Variants in PLPP4 observed in about 807,000 individuals in gnomAD.
The protein encoded by PLPP4 is diacylglycerol pyrophosphate like 2.
In PLPP4, 20 loss-of-function variants were observed where a neutral mutation model predicts 32.2. The ratio of observed to expected loss-of-function variants is 0.62; its 90% CI spans 0.44 to 0.90. The LOEUF (loss-of-function observed/expected upper bound fraction) is 0.90. PLPP4 is among the 40% of genes least tolerant of loss of function. PLPP4 has a pLI of 0.00. For missense variants in PLPP4, 257 were observed against 353.1 expected (o/e 0.73, Z 2.18); for synonymous variants, 127 against 133.0 (o/e 0.95, Z 0.31).
intron 1 of PLPP4, among the ~76,000 whole-genome samples, chr10:120,488,011 G>A (rs1285588035): frequency 6.6e-6 from 1 of 152,156 alleles, no homozygotes; most frequent in African/African-American, 2.4e-5. Context: ...GATGAGAAAA[G>A]GCTCCAGAAG....
At chr10:120,486,071 C>T (rs766312169) in intron 1 of PLPP4, among the ~76,000 whole-genome samples, 4 of 152,110 alleles carry the variant, frequency 2.6e-5, no homozygotes, top group Admixed American at 6.5e-5. Flanking sequence ...ATGGAGAAAC[C>T]GAGGTTTAGA....
intron 1 of PLPP4, among the ~76,000 whole-genome samples, chr10:120,485,120 A>C (rs1025394698): frequency 6.6e-6 from 1 of 152,228 alleles, no homozygotes; most frequent in African/African-American, 2.4e-5. Context: ...GCCCAGGGAG[A>C]TCTGCATCAG....
At position 120,457,862 on chromosome 10, in the gene PLPP4, G is replaced by T. The variant is rs1487529218; in HGVS notation, c.56+501G>T. 2.0e-5 allele frequency among the ~76,000 whole-genome samples: 3 copies of T among 152,320 alleles called. No individual in the cohort carries two copies. In the East Asian group the frequency reaches 5.8e-4, roughly 29 times the overall value. ...GAGCGTTTTCCCAGCGGGCGTTTGC[G>T]GCGCTTCTCCTACTGAGAAACTGTT... On this transcript the variant is annotated intron_variant, in intron 1 of 6. Transcript: ENST00000398250.
At chr10:120,480,226 T>C (rs1053580957) in intron 1 of PLPP4, among the ~76,000 whole-genome samples, 1 of 152,174 alleles carries the variant, frequency 6.6e-6, no homozygotes, top group Non-Finnish European at 1.5e-5. Flanking sequence ...TGTTACTGAG[T>C]GTGTTGCCCC....
intron 1 of PLPP4, among the ~76,000 whole-genome samples, chr10:120,488,309 A>ATGAG (rs1278477893): frequency 6.6e-6 from 1 of 152,208 alleles, no homozygotes; most frequent in Non-Finnish European, 1.5e-5. Context: ...TGCTGAATGA[A>ATGAG]TGAGTGAGTG....
At chr10:120,485,087 G>A (rs543715191) in intron 1 of PLPP4, among the ~76,000 whole-genome samples, 12 of 152,370 alleles carry the variant, frequency 7.9e-5, no homozygotes, top group African/African-American at 2.6e-4. Flanking sequence ...AAGGAATGCA[G>A]CTTTGCTAGC....
chr10:120,573,252 G>A (rs1564849170), intron 5 of PLPP4, among the ~76,000 whole-genome samples: 1 of 152,134 alleles, frequency 6.6e-6, no homozygotes, highest in South Asian at 2.1e-4. Context: ...TTCTTTTGCT[G>A]CATCTTTATA....
At chr10:120,516,511 TACAACAAAAGTA>T (rs1845940989) in intron 3 of PLPP4, among the ~76,000 whole-genome samples, 1 of 151,972 alleles carries the variant, frequency 6.6e-6, no homozygotes, top group African/African-American at 2.4e-5. Flanking sequence ...CTGAATTTCC[TACAACAAAAGTA>T]ACAACAAAAG....
Position 120,471,547 on chromosome 10 carries a change from A to T in PLPP4, c.56+14186A>T, listed in dbSNP as rs1848517273. ...AAGGTCTACTTTATCTAACATTAATATGTTACTACATTATATTTATTGAGA... is the reference window on the plus strand; with the variant it reads ...AAGGTCTACTTTATCTAACATTAATTTGTTACTACATTATATTTATTGAGA... On this transcript the variant is annotated intron_variant, in intron 1 of 6. Transcript: ENST00000398250. Among the ~76,000 whole-genome samples, 3 of 152,112 alleles carry T rather than the reference A, an allele frequency of 2.0e-5. No homozygotes were observed. In the South Asian group the frequency reaches 6.2e-4, roughly 32 times the overall value.
intron 5 of PLPP4, among the ~76,000 whole-genome samples, chr10:120,559,921 T>C (rs1241242213): frequency 6.6e-6 from 1 of 152,216 alleles, no homozygotes; most frequent in Non-Finnish European, 1.5e-5. Flanking sequence ...CTGCGTAAGA[T>C]TAACTGTAGA....
intron 5 of PLPP4, among the ~76,000 whole-genome samples, chr10:120,565,647 T>C (rs978256219): frequency 8.5e-5 from 13 of 152,184 alleles, no homozygotes; most frequent in African/African-American, 2.7e-4. Context: ...TGTCTAGGTG[T>C]GGAGTTCCTT....
At chr10:120,560,619 G>A (rs556092603) in intron 5 of PLPP4, among the ~76,000 whole-genome samples, 5 of 152,196 alleles carry the variant, frequency 3.3e-5, no homozygotes, top group South Asian at 2.1e-4. Flanking sequence ...GCTGGATACC[G>A]TGGTGTGCAC....
At chr10:120,513,068 A>G (rs550768151) in intron 2 of PLPP4, among the ~76,000 whole-genome samples, 1 of 152,214 alleles carries the variant, frequency 6.6e-6, no homozygotes, top group Non-Finnish European at 1.5e-5. Flanking sequence ...GCAACAAAAA[A>G]TGCCTTTTAT....
intron 1 of PLPP4, among the ~76,000 whole-genome samples, chr10:120,464,657 G>A (rs1391562619): frequency 1.3e-5 from 2 of 152,164 alleles, no homozygotes; most frequent in South Asian, 2.1e-4. Flanking sequence ...CCAGGACATC[G>A]AATTGAAGCG....
At chr10:120,553,347 A>G (rs1847995471) in intron 5 of PLPP4, among the ~76,000 whole-genome samples, 1 of 152,126 alleles carries the variant, frequency 6.6e-6, no homozygotes, top group Admixed American at 6.5e-5. Context: ...GTCCTTATGA[A>G]TGGGATTAGT....
In PLPP4 at chr10:120,467,872, GA is replaced by G. The variant is rs1160323023; in HGVS notation, c.56+10512del. 1.6e-4 allele frequency among the ~76,000 whole-genome samples: 10 copies of G among 64,228 alleles called. 4 individuals carry two copies. The highest frequency in any genetic ancestry group is 3.6e-4 in the Non-Finnish European group (8 of 22,158). 42.1% of individuals were successfully genotyped at this position (64,228 alleles called of 152,430 possible). The stretch of plus-strand genomic sequence containing the variant: ...CTAGTACCTGTTAGTCACTTTTCCT[GA>G]TCCTTTTCCTCCTCCCACCCACTCA... On this transcript the variant is annotated intron_variant, in intron 1 of 6. Transcript: ENST00000398250.
chr10:120,509,122 G>A (rs1268463340), intron 2 of PLPP4, among the ~76,000 whole-genome samples: 1 of 152,216 alleles, frequency 6.6e-6, no homozygotes, highest in Non-Finnish European at 1.5e-5. Flanking sequence ...TCAAGCTCTA[G>A]AGAGCATCAG....
chr10:120,502,715 G>A (rs557391605), intron 1 of PLPP4, among the ~76,000 whole-genome samples: 4 of 152,312 alleles, frequency 2.6e-5, no homozygotes, highest in Admixed American at 6.5e-5. Context: ...GATTCTGTCT[G>A]GAGACTGGGA....
intron 1 of PLPP4, among the ~76,000 whole-genome samples, chr10:120,494,363 C>T (rs1463497479): frequency 6.6e-6 from 1 of 152,184 alleles, no homozygotes. Context: ...AAGTCAAGCA[C>T]CTTGCCCAAG....
Sources: allele counts gnomAD v4.1 joint callset (sites outside exome capture counted in the v4.1 genomes callset), GRCh38; gene constraint gnomAD v4.1.1; transcripts MANE v1.5; gene names NCBI Gene and HGNC (gene_info 2026-07-23, HGNC 2026-07-21).